WDR72: variants seen among roughly 807,000 people sequenced by gnomAD.
WDR72 encodes WD repeat-containing protein 72.
Under a neutral mutation model 124.2 loss-of-function variants are expected in WDR72, and 120 were observed. The ratio of observed to expected loss-of-function variants is 0.97; its 90% confidence interval spans 0.83 to 1.12. The LOEUF is 1.12. Among genes scored for constraint, WDR72 ranks in the 50% most tolerant of loss-of-function variants. The pLI is 0.00. For missense variants in WDR72, 1,387 were observed against 1,278.8 expected (o/e 1.08, Z -1.29); for synonymous variants, 452 against 441.7 (o/e 1.02, Z -0.29).
At chr15:53,706,348 G>GTATGTATA (rs1450540976) in intron 9 of WDR72, among the ~76,000 whole-genome samples, 1 of 57,388 alleles carries the variant, frequency 1.7e-5, no homozygotes, top group Non-Finnish European at 3.0e-5. Flanking sequence ...GTGTGTGTGT[G>GTATGTATA]TGTATATATA....
chr15:53,655,175 G>A (rs117873156), intron 14 of WDR72, among the ~76,000 whole-genome samples: 1,893 of 123,314 alleles, frequency 0.015, 32 homozygotes, highest in East Asian at 0.086. Flanking sequence ...AGGCTGCAAT[G>A]AGCAAGGATC....
At chr15:53,691,278 T>G (rs923993605) in intron 13 of WDR72, among the ~76,000 whole-genome samples, 5 of 152,150 alleles carry the variant, frequency 3.3e-5, no homozygotes, top group African/African-American at 1.2e-4. Context: ...CTCAAACTCC[T>G]GGACTCAAGT....
In WDR72 at chr15:53,570,010, C is replaced by T. The variant is rs575084444; in HGVS notation, c.3148+27069G>A. 9.2e-4 allele frequency among the ~76,000 whole-genome samples: 140 copies of T among 152,156 alleles called. 2 individuals are homozygous for T. The Middle Eastern group carries it at 0.01, about 11-fold the overall frequency. Reference sequence around the variant, plus strand: ...TAAATGCATTCCCTTTTGTCCACATCCTTACCAACACTTGTTATCCTTCAT... The same window carrying T: ...TAAATGCATTCCCTTTTGTCCACATTCTTACCAACACTTGTTATCCTTCAT... On this transcript the variant is annotated intron_variant, in intron 18 of 19. Transcript: ENST00000360509.
At chr15:53,658,766 ACT>A (rs1443299384) in intron 14 of WDR72, among the ~76,000 whole-genome samples, 1 of 151,976 alleles carries the variant, frequency 6.6e-6, no homozygotes, top group East Asian at 1.9e-4. Flanking sequence ...ATATCTGAAA[ACT>A]CTCCATTTGT....
chr15:53,519,714 C>G (rs1387410546), intron 19 of WDR72, among the ~76,000 whole-genome samples: 1 of 152,020 alleles, frequency 6.6e-6, no homozygotes, highest in Non-Finnish European at 1.5e-5. Flanking sequence ...AGGCACTCAC[C>G]TGGGTATACA....
At chr15:53,603,586 C>A (rs1453768794) in intron 17 of WDR72, among the ~76,000 whole-genome samples, 1 of 152,112 alleles carries the variant, frequency 6.6e-6, no homozygotes, top group African/African-American at 2.4e-5. Flanking sequence ...TCTAGAAAAG[C>A]CCATCATCTC....
intron 18 of WDR72, among the ~76,000 whole-genome samples, chr15:53,576,240 C>T (rs1348372857): frequency 1.3e-5 from 2 of 152,174 alleles, no homozygotes; most frequent in Non-Finnish European, 2.9e-5. Context: ...TGCCTAGGGG[C>T]AGTTTAACCA....
chr15:53,666,597 T>A (rs897373752), intron 13 of WDR72, among the ~76,000 whole-genome samples: 9 of 152,178 alleles, frequency 5.9e-5, no homozygotes, highest in Non-Finnish European at 1.2e-4. Flanking sequence ...TATCTCCTAC[T>A]GAATAAAGAC....
At chr15:53,630,249 G>A (rs1366516357) in intron 14 of WDR72, among the ~76,000 whole-genome samples, 1 of 152,164 alleles carries the variant, frequency 6.6e-6, no homozygotes, top group Non-Finnish European at 1.5e-5. Context: ...ACCAGGTCCA[G>A]ATGACTCCAC....
At chr15:53,623,471 G>A (rs1023416489) in intron 14 of WDR72, among the ~76,000 whole-genome samples, 2 of 148,122 alleles carry the variant, frequency 1.4e-5, no homozygotes, top group African/African-American at 5.2e-5. Flanking sequence ...TGGCTAAATA[G>A]CATTATATTA....
intron 18 of WDR72, among the ~76,000 whole-genome samples, chr15:53,532,907 A>G (rs1204864505): frequency 6.6e-6 from 1 of 152,142 alleles, no homozygotes; most frequent in East Asian, 1.9e-4. Flanking sequence ...ATGTATAAGT[A>G]GTATGTATTC....
At chr15:53,717,319 T>C (rs972998948) in intron 3 of WDR72, among the ~76,000 whole-genome samples, 1 of 152,164 alleles carries the variant, frequency 6.6e-6, no homozygotes, top group African/African-American at 2.4e-5. Context: ...TTCACAAAAA[T>C]CAGAATGGCT....
intron 13 of WDR72, 83 bp downstream of exon 13, chr15:53,699,667 G>A (rs952774082): frequency 2.1e-6 from 3 of 1,462,458 alleles, no homozygotes; most frequent in Non-Finnish European, 1.9e-6. Context: ...TCATCACCGT[G>A]TCTTCTCTGA....
At chr15:53,714,697 A>G (rs553497480) in intron 5 of WDR72, among the ~76,000 whole-genome samples, 187 bp from the exon 6 acceptor site, 4 of 152,208 alleles carry the variant, frequency 2.6e-5, no homozygotes, top group African/African-American at 9.6e-5. Flanking sequence ...TAAAATTTCA[A>G]AGTGATTCCT....
intron 2 of WDR72, among the ~76,000 whole-genome samples, chr15:53,731,546 A>G (rs182991161): frequency 4.6e-5 from 7 of 151,834 alleles, no homozygotes; most frequent in African/African-American, 1.7e-4. Context: ...AAATGTCTGT[A>G]GATAGTAACA....
intron 13 of WDR72, among the ~76,000 whole-genome samples, chr15:53,687,798 A>G (rs2016694680): frequency 1.3e-5 from 2 of 149,662 alleles, no homozygotes; most frequent in South Asian, 4.3e-4. Flanking sequence ...ATGAACATTG[A>G]TGCAAAAATC....
chr15:53,519,179 T>G (rs1181052522), intron 19 of WDR72, among the ~76,000 whole-genome samples: 2 of 152,100 alleles, frequency 1.3e-5, no homozygotes, highest in Non-Finnish European at 2.9e-5. Flanking sequence ...CACTAAATTT[T>G]CTATCATCGA....
At chr15:53,726,727 C>T (rs1479206126) in intron 2 of WDR72, among the ~76,000 whole-genome samples, 1 of 151,888 alleles carries the variant, frequency 6.6e-6, no homozygotes, top group Non-Finnish European at 1.5e-5. Flanking sequence ...ATCTGTGATC[C>T]CAGCTACTCA....
At chr15:53,683,810 G>A (rs2016490126) in intron 13 of WDR72, among the ~76,000 whole-genome samples, 1 of 151,982 alleles carries the variant, frequency 6.6e-6, no homozygotes, top group Non-Finnish European at 1.5e-5. Flanking sequence ...GTATACGGAT[G>A]GCAAATACAG....
Sources: allele counts gnomAD v4.1 joint callset (sites outside exome capture counted in the v4.1 genomes callset), GRCh38; gene constraint gnomAD v4.1.1; transcripts MANE v1.5; gene names NCBI Gene and HGNC (gene_info 2026-07-23, HGNC 2026-07-21).